Variants in CPEB3 observed in about 807,000 individuals in gnomAD.
CPEB3 encodes cytoplasmic polyadenylation element-binding protein 3.
A neutral mutation model predicts 67.2 loss-of-function variants in CPEB3; 20 were observed. That is an observed-to-expected ratio of 0.30 (90% confidence interval 0.21 to 0.43). CPEB3 has a LOEUF of 0.43. Ranked by LOEUF, CPEB3 falls within the 20% of genes least tolerant of loss-of-function variation. The pLI is 1.00. For missense variants in CPEB3, 746 were observed against 968.6 expected (o/e 0.77, Z 3.05); for synonymous variants, 376 against 393.1 (o/e 0.96, Z 0.51).
intron 2 of CPEB3, among the ~76,000 whole-genome samples, chr10:92,212,700 T>C (rs1850156847): frequency 6.6e-6 from 1 of 152,084 alleles, no homozygotes; most frequent in Admixed American, 6.6e-5. Flanking sequence ...AAGTAAAACA[T>C]CTCATTAATA....
At chr10:92,055,819 C>T (rs1027122906) in intron 9 of CPEB3, among the ~76,000 whole-genome samples, 2 of 152,088 alleles carry the variant, frequency 1.3e-5, no homozygotes, top group Non-Finnish European at 2.9e-5. Context: ...GCAGGAGGAT[C>T]CTTTGAGCCC....
chr10:92,239,525 C>CGCCCACACCGACCGCCCGGCGA lies in CPEB3; in HGVS notation c.804_825dup (p.Val276SerfsTer53). ...GAAGGCACCCCGACACCCACACCCACGCCCACACCGACCGCCCGGCGAGGG... is the reference window on the plus strand; with the variant it reads ...GAAGGCACCCCGACACCCACACCCACGCCCACACCGACCGCCCGGCGAGCCCACACCGACCGCCCGGCGAGGG... On this transcript the variant is annotated frameshift_variant, in exon 2 of 10. Coordinates refer to ENST00000265997, the MANE Select transcript of CPEB3 (RefSeq NM_014912.5). LOFTEE classifies it high-confidence loss of function. The surrounding 1 kb of genome is among the most constrained non-coding windows in gnomAD (Gnocchi z 6.0). The CGCCCACACCGACCGCCCGGCGA allele has an allele frequency of 6.4e-7, 1 of 1,564,550 alleles. No homozygotes were observed. Among genetic ancestry groups the CGCCCACACCGACCGCCCGGCGA allele is most frequent in the Non-Finnish European group, 8.7e-7 (1 of 1,153,546 alleles).
At chr10:92,227,834 A>G (rs1011259472) in intron 2 of CPEB3, among the ~76,000 whole-genome samples, 38 of 150,472 alleles carry the variant, frequency 2.5e-4, no homozygotes, top group African/African-American at 8.8e-4. Context: ...CTCGTGATCC[A>G]CCCGCCTTGG....
intron 8 of CPEB3, among the ~76,000 whole-genome samples, chr10:92,084,643 A>G (rs1170124300): frequency 1.3e-5 from 2 of 152,024 alleles, no homozygotes; most frequent in East Asian, 3.9e-4. Flanking sequence ...GCAGTGGTGC[A>G]ATCTTGGCTC....
intron 7 of CPEB3, among the ~76,000 whole-genome samples, chr10:92,093,831 A>G (rs994258914): frequency 2.0e-5 from 3 of 151,100 alleles, no homozygotes; most frequent in African/African-American, 7.3e-5. Flanking sequence ...ACTGCTACAA[A>G]TTTCACCCTC....
intron 6 of CPEB3, among the ~76,000 whole-genome samples, chr10:92,142,769 A>C (rs1004176887): frequency 1.3e-5 from 2 of 152,206 alleles, no homozygotes; most frequent in Non-Finnish European, 2.9e-5. Flanking sequence ...AAATAATGAA[A>C]ATTAGCAGGA....
At chr10:92,236,490 G>A (rs1056465853) in intron 2 of CPEB3, among the ~76,000 whole-genome samples, 1 of 152,218 alleles carries the variant, frequency 6.6e-6, no homozygotes, top group African/African-American at 2.4e-5. Context: ...GCTCATGCCT[G>A]TAATCCCAGC....
chr10:92,172,718 T>C (rs1163477186), intron 4 of CPEB3, among the ~76,000 whole-genome samples: 2 of 152,310 alleles, frequency 1.3e-5, no homozygotes, highest in African/African-American at 4.8e-5. Context: ...CATTTCAGTT[T>C]CACACACTAC....
At chr10:92,241,669 G>A (rs977258272) in intron 1 of CPEB3, among the ~76,000 whole-genome samples, 1 of 152,072 alleles carries the variant, frequency 6.6e-6, no homozygotes, top group African/African-American at 2.4e-5. Context: ...CTACCATACA[G>A]CCTGTTTTCT....
At chr10:92,122,014 G>T (rs855705) in intron 6 of CPEB3, among the ~76,000 whole-genome samples, 2,052 of 152,240 alleles carry the variant, frequency 0.013, 50 homozygotes, top group African/African-American at 0.047. Flanking sequence ...CAATTCAAGG[G>T]TACCAAAAAC....
At chr10:92,188,056 G>A (rs192747632) in intron 3 of CPEB3, among the ~76,000 whole-genome samples, 413 of 151,956 alleles carry the variant, frequency 2.7e-3, no homozygotes, top group Non-Finnish European at 4.3e-3. Context: ...AATCAGCCAG[G>A]CATGGTGCCT....
chr10:92,262,957 A>G (rs1041148918), intron 1 of CPEB3, among the ~76,000 whole-genome samples: 2 of 151,980 alleles, frequency 1.3e-5, no homozygotes, highest in East Asian at 3.9e-4. Context: ...GTTTGTAGAG[A>G]CGAGGTCTCA....
At chr10:92,191,599 T>TA (rs977280455) in intron 3 of CPEB3, among the ~76,000 whole-genome samples, 3 of 152,076 alleles carry the variant, frequency 2.0e-5, no homozygotes, top group African/African-American at 2.4e-5. Context: ...CACACTATAA[T>TA]ATGGGCCTAG....
chr10:92,211,213 A>G (rs73318015), intron 2 of CPEB3, among the ~76,000 whole-genome samples: 9,971 of 152,286 alleles, frequency 0.065, 1,079 homozygotes, highest in African/African-American at 0.23. Context: ...AGCCACTTTT[A>G]GACAATTTTT....
chr10:92,260,837 G>C (rs1852765388), intron 1 of CPEB3, among the ~76,000 whole-genome samples: 2 of 152,134 alleles, frequency 1.3e-5, no homozygotes, highest in African/African-American at 4.8e-5. Flanking sequence ...TCGAACTCCT[G>C]ACCTCAGGTG....
intron 9 of CPEB3, among the ~76,000 whole-genome samples, chr10:92,054,278 C>A (rs1001022956): frequency 2.6e-4 from 39 of 151,010 alleles, no homozygotes; most frequent in African/African-American, 8.9e-4. Context: ...ATACTGTTTC[C>A]CTGGCTCTTA....
intron 1 of CPEB3, among the ~76,000 whole-genome samples, chr10:92,247,197 T>A (rs1852108215): frequency 6.6e-6 from 1 of 152,104 alleles, no homozygotes. Flanking sequence ...TACTTAACCA[T>A]AAAAGAGGTA....
At chr10:92,096,713 G>A (rs1843897554) in intron 7 of CPEB3, among the ~76,000 whole-genome samples, 1 of 152,120 alleles carries the variant, frequency 6.6e-6, no homozygotes, top group African/African-American at 2.4e-5. Flanking sequence ...GGAGGCCAAG[G>A]TGGGCAGATC....
At chr10:92,200,929 C>T (rs1849494560) in intron 2 of CPEB3, among the ~76,000 whole-genome samples, 2 of 152,094 alleles carry the variant, frequency 1.3e-5, no homozygotes, top group Non-Finnish European at 2.9e-5. Context: ...TGACATGACC[C>T]TACATTTTGA....
Sources: allele counts gnomAD v4.1 joint callset (sites outside exome capture counted in the v4.1 genomes callset), GRCh38; gene constraint gnomAD v4.1.1; non-coding constraint Gnocchi (gnomAD v3.1); transcripts MANE v1.5; gene names NCBI Gene and HGNC (gene_info 2026-07-23, HGNC 2026-07-21).